FAM219A: variants seen among roughly 807,000 people sequenced by gnomAD.
FAM219A encodes the protein family with sequence similarity 219 member A.
FAM219A carries 7 observed loss-of-function variants against 23.4 expected under a neutral mutation model. That is an observed-to-expected ratio of 0.30 (90% CI 0.17 to 0.56). The LOEUF is 0.56. Ranked by LOEUF, FAM219A falls within the 20% of genes least tolerant of loss-of-function variation. FAM219A has a pLI of 0.92. For synonymous variants in FAM219A, 93 were observed against 99.0 expected (o/e 0.94, Z 0.36); for missense variants, 166 against 246.9 (o/e 0.67, Z 2.20).
intron 1 of FAM219A, among the ~76,000 whole-genome samples, chr9:34,410,958 A>G (rs142202873): frequency 6.1e-4 from 93 of 152,350 alleles, no homozygotes; most frequent in African/African-American, 2.0e-3. Context: ...AGTCCTTAGC[A>G]TAGTATACCC....
At chr9:34,416,252 A>AGGGAGGG (rs1564003359) in intron 1 of FAM219A, among the ~76,000 whole-genome samples, 2 of 118,462 alleles carry the variant, frequency 1.7e-5, no homozygotes, top group Non-Finnish European at 3.5e-5. Flanking sequence ...AGAAAGAAAG[A>AGGGAGGG]AAGAAAGGGG....
chr9:34,430,901 C>G (rs1822675059), intron 1 of FAM219A, among the ~76,000 whole-genome samples: 1 of 150,688 alleles, frequency 6.6e-6, no homozygotes, highest in Non-Finnish European at 1.5e-5. Flanking sequence ...AAGGACACAG[C>G]ATCCAGGCCT....
rs1018301617 is a variant in FAM219A at position 34,417,490 on chromosome 9, A to G, written c.61-11526T>C. On this transcript the variant is annotated intron_variant, in intron 1 of 5. Transcript: ENST00000651358. The surrounding 1 kb of genome is among the most constrained non-coding windows in gnomAD (Gnocchi z 4.1). The stretch of plus-strand genomic sequence containing the variant: ...TTGCAACTTTTCACTATTATAGATA[A>G]TGCTACACTGAAATCCACATATATT... Among the ~76,000 whole-genome samples the G allele has an allele frequency of 6.6e-6, 1 of 152,212 alleles. No individual in the cohort carries two copies. Among genetic ancestry groups the G allele is most frequent in the Non-Finnish European group, 1.5e-5 (1 of 68,042 alleles).
chr9:34,424,540 G>C (rs1418440994), intron 1 of FAM219A, among the ~76,000 whole-genome samples: 1 of 152,104 alleles, frequency 6.6e-6, no homozygotes, highest in African/African-American at 2.4e-5. Flanking sequence ...CCCAAATTCT[G>C]GCTGCACCAG....
chr9:34,429,871 C>T (rs969697344), intron 1 of FAM219A, among the ~76,000 whole-genome samples: 4 of 152,196 alleles, frequency 2.6e-5, no homozygotes, highest in Admixed American at 6.5e-5. Context: ...AATTTCCCCT[C>T]CTTCATGCTC....
chr9:34,426,710 A>G (rs920300592), intron 1 of FAM219A, among the ~76,000 whole-genome samples: 4 of 152,256 alleles, frequency 2.6e-5, no homozygotes, highest in African/African-American at 9.6e-5. Flanking sequence ...AAATAGGGAA[A>G]TGGCTTCTGT....
At chr9:34,409,452 G>A (rs1477504635) in intron 1 of FAM219A, among the ~76,000 whole-genome samples, 2 of 152,172 alleles carry the variant, frequency 1.3e-5, no homozygotes, top group African/African-American at 2.4e-5. Flanking sequence ...ACATCTGAAG[G>A]CGTTAGCTAG....
chr9:34,417,437 A>G lies in FAM219A; in HGVS notation c.61-11473T>C, dbSNP rs780058457. ...GAGGATGTAGAGTAACTTTGTAACCATTCATTTATTTTTGACATTCAGGTT... is the reference window on the plus strand; with the variant it reads ...GAGGATGTAGAGTAACTTTGTAACCGTTCATTTATTTTTGACATTCAGGTT... On this transcript the variant is annotated intron_variant, in intron 1 of 5. Transcript: ENST00000651358. The surrounding 1 kb of genome is among the most constrained non-coding windows in gnomAD (Gnocchi z 4.1). Among the ~76,000 whole-genome samples, 3 of 152,162 alleles carry G rather than the reference A, an allele frequency of 2.0e-5. No homozygotes were observed. Among genetic ancestry groups the G allele is most frequent in the Non-Finnish European group, 4.4e-5 (3 of 68,032 alleles).
chr9:34,449,154 C>T (rs1266983209), intron 1 of FAM219A, among the ~76,000 whole-genome samples: 1 of 151,872 alleles, frequency 6.6e-6, no homozygotes, highest in Non-Finnish European at 1.5e-5. Flanking sequence ...GGCAACATGG[C>T]GAAACCCCAT....
intron 1 of FAM219A, among the ~76,000 whole-genome samples, chr9:34,427,579 A>G (rs1271832482): frequency 1.3e-5 from 2 of 152,232 alleles, no homozygotes; most frequent in Admixed American, 6.5e-5. Context: ...GCCTGCCTCC[A>G]CTATGTCCTC....
rs966705665 is a variant in FAM219A, at chr9:34,458,484, G to T, written c.-221C>A. ...CCGTGGGCTTGCCTAGCACTACCGC[G>T]GCTGTGGCCGGGCCGAGCCGCAGGT... On this transcript the variant is annotated 5_prime_UTR_variant, in exon 1 of 6. Coordinates refer to ENST00000651358, the MANE Select transcript of FAM219A (RefSeq NM_001184940.2). The surrounding 1 kb of genome is among the most constrained non-coding windows in gnomAD (Gnocchi z 6.6). 1 of 377,330 alleles carries T rather than the reference G, an allele frequency of 2.7e-6. No individual in the cohort carries two copies. The highest frequency in any genetic ancestry group is 4.7e-6 in the Non-Finnish European group (1 of 210,594). 23.4% of individuals were successfully genotyped at this position (377,330 alleles called of 1,614,324 possible). A position where few individuals can be genotyped will look rare whatever the true frequency, so the allele number is the denominator to read the frequency against.
chr9:34,404,764 G>T (rs559001846), intron 2 of FAM219A, among the ~76,000 whole-genome samples: 3 of 152,086 alleles, frequency 2.0e-5, no homozygotes, highest in Non-Finnish European at 4.4e-5. Context: ...AATAAAATTG[G>T]CTGCAGTTTT....
At chr9:34,441,596 G>T (rs954879477) in intron 1 of FAM219A, among the ~76,000 whole-genome samples, 2 of 152,150 alleles carry the variant, frequency 1.3e-5, no homozygotes, top group South Asian at 2.1e-4. Flanking sequence ...TGATACCTGT[G>T]GGGGTATGAA....
intron 1 of FAM219A, among the ~76,000 whole-genome samples, chr9:34,433,168 A>C (rs1381863004): frequency 6.6e-6 from 1 of 152,120 alleles, no homozygotes; most frequent in African/African-American, 2.4e-5. Context: ...GGATTAATGT[A>C]TACTTATTTT....
At position 34,398,187 on chromosome 9, in the gene FAM219A, C is replaced by T; in HGVS notation, c.*2777G>A. 1 of 1,420,478 alleles carries T rather than the reference C, an allele frequency of 7.0e-7. No homozygotes were observed. The highest frequency in any genetic ancestry group is 1.2e-5 in the South Asian group (1 of 80,612). 88.0% of individuals were successfully genotyped at this position (1,420,478 alleles called of 1,614,324 possible). Reference sequence around the variant, plus strand: ...ACCCCAGGGAGGGAGCTGAGGCTGGCTTGTTTGATGCTTTTAATATCATTA... The same window carrying T: ...ACCCCAGGGAGGGAGCTGAGGCTGGTTTGTTTGATGCTTTTAATATCATTA... On this transcript the variant is annotated 3_prime_UTR_variant, in exon 6 of 6. Transcript: ENST00000651358.
chr9:34,403,369 G>T (rs561007818), intron 2 of FAM219A, among the ~76,000 whole-genome samples: 1 of 152,318 alleles, frequency 6.6e-6, no homozygotes, highest in East Asian at 1.9e-4. Context: ...GACCCTCTCT[G>T]GTTACAAACT....
At chr9:34,415,561 T>C (rs1382219152) in intron 1 of FAM219A, among the ~76,000 whole-genome samples, 2 of 152,246 alleles carry the variant, frequency 1.3e-5, no homozygotes, top group African/African-American at 4.8e-5. Flanking sequence ...AAACACTTGA[T>C]AATGTTCTAC....
At position 34,398,939 on chromosome 9, in the gene FAM219A, G is replaced by C. The variant is rs2131915225; in HGVS notation, c.*2025C>G. On this transcript the variant is annotated 3_prime_UTR_variant, in exon 6 of 6. Coordinates refer to ENST00000651358, the MANE Select transcript of FAM219A (RefSeq NM_001184940.2). ...TCATCTAACTTGGGTCCCTGCACTA[G>C]AGGAGGTAGGAATGGGTTGGCGGAG... 1 of 155,528 alleles carries C rather than the reference G, an allele frequency of 6.4e-6. No homozygotes were observed. Among genetic ancestry groups the C allele is most frequent in the Admixed American group, 6.2e-5 (1 of 16,094 alleles). 9.6% of individuals were successfully genotyped at this position (155,528 alleles called of 1,614,324 possible).
At chr9:34,431,261 T>C (rs543069913) in intron 1 of FAM219A, among the ~76,000 whole-genome samples, 1 of 152,280 alleles carries the variant, frequency 6.6e-6, no homozygotes, top group East Asian at 1.9e-4. Flanking sequence ...TAGACCTGGC[T>C]TGGGGACAAA....
Sources: allele counts gnomAD v4.1 joint callset (sites outside exome capture counted in the v4.1 genomes callset), GRCh38; gene constraint gnomAD v4.1.1; non-coding constraint Gnocchi (gnomAD v3.1); transcripts MANE v1.5; gene names NCBI Gene and HGNC (gene_info 2026-07-23, HGNC 2026-07-21).